HECW1: variants seen among roughly 807,000 people sequenced by gnomAD.
HECW1 encodes the protein E3 ubiquitin-protein ligase HECW1.
Under a neutral mutation model 182.3 loss-of-function variants are expected in HECW1, and 61 were observed. That is an observed-to-expected ratio of 0.33 (90% CI 0.27 to 0.41). The LOEUF is 0.41. Ranked by LOEUF, HECW1 falls within the 10% of genes least tolerant of loss-of-function variation. HECW1 has a pLI of 1.00. For missense variants in HECW1, 1,739 were observed against 2,108.9 expected, an observed-to-expected ratio of 0.82 and a Z score of 3.44; for synonymous variants, 859 against 832.6, an observed-to-expected ratio of 1.03 and a Z score of -0.55.
chr7:43,442,878 A>C (rs1000455224), intron 10 of HECW1, among the ~76,000 whole-genome samples: 24 of 152,246 alleles, frequency 1.6e-4, no homozygotes, highest in African/African-American at 5.8e-4. Context: ...GTTAACAATG[A>C]GGCCAACATG....
At chr7:43,336,525 T>C (rs1429847623) in intron 5 of HECW1, among the ~76,000 whole-genome samples, 1 of 152,096 alleles carries the variant, frequency 6.6e-6, no homozygotes, top group African/African-American at 2.4e-5. Flanking sequence ...GTGCAGACCA[T>C]GACTTTTTCT....
intron 8 of HECW1, among the ~76,000 whole-genome samples, chr7:43,431,927 A>C: frequency 6.6e-6 from 1 of 150,392 alleles, no homozygotes; most frequent in African/African-American, 2.5e-5. Flanking sequence ...CCCAATGTTC[A>C]AGCAATTTTC....
rs369689714 is a variant in HECW1 at position 43,314,892 on chromosome 7, C to T, written c.352+2805C>T. On this transcript the variant is annotated intron_variant, in intron 4 of 29. Coordinates refer to ENST00000395891, the MANE Select transcript of HECW1 (RefSeq NM_015052.5). ...TGTAGAGATGGTGATTTCATCTCAT[C>T]TGTCATTTCATGAATGAGGAGATGT... 9.8e-5 allele frequency among the ~76,000 whole-genome samples: 15 copies of T among 152,330 alleles called. No homozygotes were observed. The East Asian group carries it at 1.3e-3, about 14-fold the overall frequency.
intron 3 of HECW1, among the ~76,000 whole-genome samples, chr7:43,293,584 C>T (rs773684657): frequency 7.9e-5 from 12 of 152,212 alleles, no homozygotes; most frequent in Non-Finnish European, 1.5e-4. Context: ...CCCTATTCTG[C>T]TGCCTCAGAT....
intron 16 of HECW1, among the ~76,000 whole-genome samples, chr7:43,472,564 A>G (rs1408307409): frequency 6.6e-6 from 1 of 152,008 alleles, no homozygotes; most frequent in African/African-American, 2.4e-5. Context: ...TAGGTATAGC[A>G]GGAATAATTA....
At chr7:43,360,766 T>C in intron 5 of HECW1, 120 bp from the exon 6 acceptor site, 1 of 735,740 alleles carries the variant, frequency 1.4e-6, no homozygotes, top group Non-Finnish European at 2.4e-6. Context: ...TTGTCGAGTG[T>C]GGCCTGGCTT....
intron 7 of HECW1, among the ~76,000 whole-genome samples, chr7:43,399,549 G>A (rs930779183): frequency 6.6e-6 from 1 of 152,152 alleles, no homozygotes; most frequent in Non-Finnish European, 1.5e-5. Flanking sequence ...AGCCCAAGAG[G>A]AATGCCATGC....
At chr7:43,473,589 A>G (rs962955365) in intron 16 of HECW1, among the ~76,000 whole-genome samples, 1 of 152,190 alleles carries the variant, frequency 6.6e-6, no homozygotes, top group Non-Finnish European at 1.5e-5. Flanking sequence ...GAATAGTTGT[A>G]TAATAACAGT....
At chr7:43,144,154 T>A (rs1788455610) in intron 2 of HECW1, among the ~76,000 whole-genome samples, 1 of 152,246 alleles carries the variant, frequency 6.6e-6, no homozygotes, top group Non-Finnish European at 1.5e-5. Flanking sequence ...TTTTGAAGAA[T>A]GTTCATCAGG....
At chr7:43,362,014 G>T (rs986145042) in intron 6 of HECW1, among the ~76,000 whole-genome samples, 1 of 149,916 alleles carries the variant, frequency 6.7e-6, no homozygotes, top group Non-Finnish European at 1.5e-5. Context: ...GGTGGCAAGC[G>T]CCTGCAATCC....
chr7:43,500,851 C>A, intron 20 of HECW1, 69 bp downstream of exon 20: 2 of 1,275,792 alleles, frequency 1.6e-6, no homozygotes, highest in Non-Finnish European at 2.3e-6. Context: ...CACGGCCACC[C>A]TGAAAATGGC....
At chr7:43,389,339 G>C (rs1384734511) in intron 6 of HECW1, among the ~76,000 whole-genome samples, 4 of 152,204 alleles carry the variant, frequency 2.6e-5, no homozygotes, top group Non-Finnish European at 5.9e-5. Context: ...CTGGGGGTGG[G>C]CCCAGCAATG....
chr7:43,254,047 CTCTGAG>C (rs1800309394), intron 3 of HECW1, among the ~76,000 whole-genome samples: 1 of 152,176 alleles, frequency 6.6e-6, no homozygotes, highest in Non-Finnish European at 1.5e-5. Flanking sequence ...GATCTCTGGA[CTCTGAG>C]TCTGTGCTGA....
intron 16 of HECW1, among the ~76,000 whole-genome samples, chr7:43,474,143 G>T (rs1365902671): frequency 6.6e-6 from 1 of 152,154 alleles, no homozygotes; most frequent in African/African-American, 2.4e-5. Context: ...ATACAAAGGG[G>T]AGTTTCAATC....
chr7:43,256,198 C>T (rs1319017516), intron 3 of HECW1, among the ~76,000 whole-genome samples: 2 of 152,058 alleles, frequency 1.3e-5, no homozygotes, highest in African/African-American at 2.4e-5. Context: ...TCATACAATC[C>T]AAAATAGTAA....
chr7:43,313,395 T>C (rs529326490), intron 4 of HECW1, among the ~76,000 whole-genome samples: 144 of 151,002 alleles, frequency 9.5e-4, no homozygotes, highest in African/African-American at 3.1e-3. Flanking sequence ...TGGAGTTCAG[T>C]GGTGCGATCT....
chr7:43,280,752 A>G (rs1228247059), intron 3 of HECW1, among the ~76,000 whole-genome samples: 2 of 152,248 alleles, frequency 1.3e-5, no homozygotes, highest in Middle Eastern at 3.4e-3. Flanking sequence ...AAAGGACCTC[A>G]AGACACTGCC....
intron 24 of HECW1, among the ~76,000 whole-genome samples, chr7:43,536,920 A>T (rs1168816610): frequency 6.6e-6 from 1 of 152,236 alleles, no homozygotes; most frequent in Non-Finnish European, 1.5e-5. Context: ...GAAAAAGCAC[A>T]GATGCGGGGC....
At position 43,420,482 on chromosome 7, in the gene HECW1, T is replaced by TA. The variant is rs775650135; in HGVS notation, c.801+12758dup. The stretch of plus-strand genomic sequence containing the variant: ...AGAGATTCTAGCCAGTGCAACAAGG[T>TA]AAAAAAATAAACAAATAAAGTATGT... On this transcript the variant is annotated intron_variant, in intron 8 of 29. Transcript: ENST00000395891. Among the ~76,000 whole-genome samples the TA allele has an allele frequency of 2.0e-5, 3 of 152,120 alleles. No homozygotes were observed. The East Asian group carries it at 5.8e-4, about 29-fold the overall frequency.
Sources: gnomAD v4.1 joint callset for allele counts (sites outside exome capture counted in the v4.1 genomes callset) on GRCh38, gnomAD v4.1.1 for gene constraint, MANE v1.5 for transcripts, NCBI Gene and HGNC (gene_info 2026-07-23, HGNC 2026-07-21) for gene names.